Variants in XKR9 observed in about 807,000 individuals in gnomAD.
The protein encoded by XKR9 is XK related 9, also known as XK-related protein 9.
Under a neutral mutation model 32.0 loss-of-function variants are expected in XKR9, and 32 were observed. The observed-to-expected ratio is 1.00, with a 90% CI of 0.76 to 1.34. The LOEUF (loss-of-function observed/expected upper bound fraction) is 1.34. Ranked by LOEUF, XKR9 falls within the 40% of genes most tolerant of loss-of-function variation. XKR9 has a pLI of 0.00. For synonymous variants in XKR9, 168 were observed against 143.4 expected, an observed-to-expected ratio of 1.17 and a Z score of -1.22; for missense variants, 546 against 429.7, an observed-to-expected ratio of 1.27 and a Z score of -2.39.
chr8:70,919,281 C>G, the XKR9 span, among the ~76,000 whole-genome samples: 1 of 152,154 alleles, frequency 6.6e-6, no homozygotes, highest in African/African-American at 2.4e-5. Flanking sequence ...ATTAAGTGAG[C>G]TGATATGTGA....
At chr8:70,917,916 A>G in the XKR9 span, among the ~76,000 whole-genome samples, 1 of 152,224 alleles carries the variant, frequency 6.6e-6, no homozygotes, top group Non-Finnish European at 1.5e-5. Context: ...ATTATACAAG[A>G]TAATCCATGC....
chr8:70,797,850 C>T, the XKR9 span, among the ~76,000 whole-genome samples: 9 of 152,062 alleles, frequency 5.9e-5, no homozygotes, highest in South Asian at 2.1e-4. Flanking sequence ...CAATGATGTC[C>T]GGCTGTATCC....
intron 4 of XKR9, among the ~76,000 whole-genome samples, chr8:70,724,099 T>C (rs1240309929): frequency 6.6e-6 from 1 of 152,090 alleles, no homozygotes; most frequent in Non-Finnish European, 1.5e-5. Context: ...AGAAGGAATC[T>C]AGAGAGGCAC....
intron 3 of XKR9, among the ~76,000 whole-genome samples, chr8:70,696,828 T>C (rs1405617141): frequency 6.6e-6 from 1 of 151,598 alleles, no homozygotes; most frequent in East Asian, 1.9e-4. Flanking sequence ...TGGAATGTTC[T>C]TCCGTTTGTT....
chr8:70,898,539 C>A, the XKR9 span, among the ~76,000 whole-genome samples: 1 of 152,174 alleles, frequency 6.6e-6, no homozygotes, highest in Non-Finnish European at 1.5e-5. Flanking sequence ...TAATTCAGTT[C>A]AAAATATTTT....
the XKR9 span, among the ~76,000 whole-genome samples, chr8:70,819,299 T>C: frequency 2.6e-5 from 4 of 152,346 alleles, 1 homozygote; most frequent in Admixed American, 2.6e-4. Context: ...CACTCCTGTT[T>C]CTCTACTACT....
At chr8:70,802,289 G>C in the XKR9 span, among the ~76,000 whole-genome samples, 1 of 152,104 alleles carries the variant, frequency 6.6e-6, no homozygotes, top group African/African-American at 2.4e-5. Flanking sequence ...TCTGAAATTA[G>C]ATTATCAACT....
intron 2 of XKR9, among the ~76,000 whole-genome samples, chr8:70,772,163 C>T (rs545335254): frequency 1.3e-5 from 2 of 152,216 alleles, no homozygotes; most frequent in African/African-American, 4.8e-5. Flanking sequence ...ATTTTCTTTA[C>T]TAGAATATAA....
chr8:70,764,838 G>A (rs1192208189), intron 2 of XKR9, among the ~76,000 whole-genome samples: 4 of 152,058 alleles, frequency 2.6e-5, no homozygotes, highest in Admixed American at 6.6e-5. Flanking sequence ...GAGAACATGC[G>A]GTGTTTGGTT....
chr8:70,744,757 C>CTGTATAGAATGTATATAATATAG (rs1554553503), intron 2 of XKR9, among the ~76,000 whole-genome samples: 3 of 150,844 alleles, frequency 2.0e-5, no homozygotes, highest in Non-Finnish European at 4.5e-5. Context: ...AGGTGTGCAC[C>CTGTATAGAATGTATATAATATAG]ACCACGCCTG....
chr8:70,892,733 A>C, the XKR9 span, among the ~76,000 whole-genome samples: 1 of 152,040 alleles, frequency 6.6e-6, no homozygotes, highest in African/African-American at 2.4e-5. Flanking sequence ...CTTACATGTG[A>C]CTTGACTCTA....
At chr8:71,031,841 A>G in the XKR9 span, among the ~76,000 whole-genome samples, 2 of 152,182 alleles carry the variant, frequency 1.3e-5, no homozygotes, top group Non-Finnish European at 2.9e-5. Context: ...TAAATATCAG[A>G]TCCTGTTTAA....
chr8:70,771,597 T>C lies in XKR9; in HGVS notation n.353-17742T>C, dbSNP rs565186756. On this transcript the variant is annotated intron_variant and non_coding_transcript_variant, in intron 2 of 3. Transcript: ENST00000520273. Reference sequence around the variant, plus strand: ...TACTTCAAAAAATATTATGCTTTTTTCCCCAGGGATCAAGTGACTGTTTTA... The same window carrying C: ...TACTTCAAAAAATATTATGCTTTTTCCCCCAGGGATCAAGTGACTGTTTTA... Among the ~76,000 whole-genome samples, 5 of 152,298 alleles carry C rather than the reference T, an allele frequency of 3.3e-5. No individual in the cohort carries two copies. The South Asian group carries it at 1.0e-3, about 32-fold the overall frequency.
At chr8:70,783,491 T>C (rs537836766) in intron 2 of XKR9, among the ~76,000 whole-genome samples, 9 of 152,116 alleles carry the variant, frequency 5.9e-5, no homozygotes, top group Non-Finnish European at 1.3e-4. Flanking sequence ...CCAAAGTGTG[T>C]ATGTCTTCTT....
the XKR9 span, among the ~76,000 whole-genome samples, chr8:71,020,128 T>G: frequency 6.6e-6 from 1 of 152,168 alleles, no homozygotes; most frequent in Non-Finnish European, 1.5e-5. Context: ...ATTCTTGGAT[T>G]AAATGGAATA....
chr8:70,720,484 G>T (rs778259722), intron 4 of XKR9, among the ~76,000 whole-genome samples: 1 of 152,104 alleles, frequency 6.6e-6, no homozygotes, highest in Non-Finnish European at 1.5e-5. Flanking sequence ...TCAATACCTA[G>T]TTTATTGAGT....
At chr8:71,031,310 A>G in the XKR9 span, among the ~76,000 whole-genome samples, 218 of 152,280 alleles carry the variant, frequency 1.4e-3, 1 homozygote, top group African/African-American at 5.1e-3. Context: ...ACTCAAGTAA[A>G]TTTCATGGGT....
At chr8:70,988,769 G>A in the XKR9 span, among the ~76,000 whole-genome samples, 1 of 152,150 alleles carries the variant, frequency 6.6e-6, no homozygotes, top group Non-Finnish European at 1.5e-5. Context: ...GAGATGTCTA[G>A]AACTTTTTCA....
the XKR9 span, among the ~76,000 whole-genome samples, chr8:70,919,488 A>G: frequency 1.3e-5 from 2 of 152,114 alleles, no homozygotes; most frequent in African/African-American, 4.8e-5. Flanking sequence ...ATAGATAATA[A>G]TGAATGTCAG....
Sources: gnomAD v4.1 joint callset for allele counts (sites outside exome capture counted in the v4.1 genomes callset) on GRCh38, gnomAD v4.1.1 for gene constraint, MANE v1.5 for transcripts, NCBI Gene and HGNC (gene_info 2026-07-23, HGNC 2026-07-21) for gene names.